The following MEIOSIN variants were observed in gnomAD, a reference collection of about 807,000 sequenced individuals.
MEIOSIN encodes the protein meiosis initiator protein.
Under a neutral mutation model 23.4 loss-of-function variants are expected in MEIOSIN, and 18 were observed. The observed-to-expected ratio is 0.77, with a 90% CI of 0.53 to 1.14. The LOEUF (loss-of-function observed/expected upper bound fraction) is 1.14, where lower values mean the gene tolerates loss of function less well. Ranked by LOEUF, MEIOSIN falls within the 50% of genes most tolerant of loss-of-function variation. The pLI is 0.00. For missense variants in MEIOSIN, 428 were observed against 242.9 expected, an observed-to-expected ratio of 1.76 and a Z score of -5.07; for synonymous variants, 187 against 100.6, an observed-to-expected ratio of 1.86 and a Z score of -5.14.
chr19:45,737,588 C>G (rs1968428126), intron 2 of MEIOSIN, among the ~76,000 whole-genome samples: 2 of 151,746 alleles, frequency 1.3e-5, no homozygotes, highest in African/African-American at 2.4e-5. Context: ...ACATCAGCCT[C>G]CCAAGTATGC....
intron 1 of MEIOSIN, 42 bp from the exon 2 acceptor site, chr19:45,735,335 C>T (rs1568552213): frequency 1.4e-6 from 1 of 700,540 alleles, no homozygotes; most frequent in Non-Finnish European, 2.6e-6. Flanking sequence ...ATCCTTCCTG[C>T]AATCCCAGAG....
Position 45,750,360 on chromosome 19 carries a change from C to CT in MEIOSIN, c.307-298dup, listed in dbSNP as rs11295860. Among the ~76,000 whole-genome samples, 105 of 98,508 alleles carry CT rather than the reference C, an allele frequency of 1.1e-3. 1 individual carries two copies. The East Asian group carries it at 0.017, about 16-fold the overall frequency. The allele number at this position is 98,508 out of a possible 152,430, so 64.6% of individuals were successfully genotyped here. A position where few individuals can be genotyped will look rare whatever the true frequency, so the allele number is the denominator to read the frequency against. Reference sequence around the variant, plus strand: ...TCTTTCTTTCTTTCTTTTTCTTTTTCTTTTTTTTTTTTTTTTTGAGACAGA... The same window carrying CT: ...TCTTTCTTTCTTTCTTTTTCTTTTTCTTTTTTTTTTTTTTTTTTGAGACAGA... On this transcript the variant is annotated intron_variant, in intron 4 of 14. Coordinates refer to ENST00000457052, the MANE Select transcript of MEIOSIN (RefSeq NM_001310124.2).
At chr19:45,740,540 G>A (rs192586706) in intron 3 of MEIOSIN, among the ~76,000 whole-genome samples, 1 of 152,206 alleles carries the variant, frequency 6.6e-6, no homozygotes, top group South Asian at 2.1e-4. Context: ...CACGAGGTCA[G>A]GAGATTGAGA....
chr19:45,757,902 A>T (rs1968863115), intron 9 of MEIOSIN, among the ~76,000 whole-genome samples: 1 of 152,088 alleles, frequency 6.6e-6, no homozygotes, highest in African/African-American at 2.4e-5. Context: ...ATCACAGCTC[A>T]CTGAGGCCTC....
intron 3 of MEIOSIN, among the ~76,000 whole-genome samples, chr19:45,743,711 A>G (rs1020451493): frequency 1.3e-5 from 2 of 152,054 alleles, no homozygotes; most frequent in Non-Finnish European, 2.9e-5. Flanking sequence ...TAGTAGGAAC[A>G]GGGTTTCGCC....
chr19:45,742,055 T>C (rs1241611038), intron 3 of MEIOSIN, among the ~76,000 whole-genome samples: 1 of 152,036 alleles, frequency 6.6e-6, no homozygotes, highest in Non-Finnish European at 1.5e-5. Context: ...TTTGTATTTT[T>C]AGTAGAGACA....
chr19:45,755,201 G>A (rs1043769895), intron 7 of MEIOSIN, among the ~76,000 whole-genome samples: 35 of 150,448 alleles, frequency 2.3e-4, no homozygotes, highest in Non-Finnish European at 3.5e-4. Context: ...CCAGGCTGGA[G>A]TGCAGTGGTA....
chr19:45,751,753 A>G (rs1298909193), intron 5 of MEIOSIN, among the ~76,000 whole-genome samples: 1 of 147,156 alleles, frequency 6.8e-6, no homozygotes, highest in African/African-American at 2.5e-5. Context: ...TTTTTGAGGC[A>G]GAGTTTAGCT....
intron 3 of MEIOSIN, among the ~76,000 whole-genome samples, chr19:45,740,005 G>A (rs990474978): frequency 5.3e-5 from 8 of 151,914 alleles, no homozygotes; most frequent in South Asian, 2.1e-4. Context: ...GTGCCACCAC[G>A]GCCAGCTAAT....
At chr19:45,755,492 C>T (rs1459265875) in intron 7 of MEIOSIN, among the ~76,000 whole-genome samples, 3 of 151,872 alleles carry the variant, frequency 2.0e-5, no homozygotes, top group Non-Finnish European at 2.9e-5. Context: ...CTTGCTCTGT[C>T]GCCCATGCTG....
chr19:45,747,484 G>A (rs2146183791), intron 4 of MEIOSIN, among the ~76,000 whole-genome samples: 1 of 152,170 alleles, frequency 6.6e-6, no homozygotes, highest in Admixed American at 6.5e-5. Flanking sequence ...CCTTGTTTCC[G>A]ACCTCCTTCA....
rs201021805 is a variant in MEIOSIN, at chr19:45,745,182, C to G, written c.177-10C>G. On this transcript the variant is annotated splice_polypyrimidine_tract_variant and intron_variant, in intron 3 of 14. Coordinates refer to ENST00000457052, the MANE Select transcript of MEIOSIN (RefSeq NM_001310124.2). ...TGTCCTAACCAAAACCAGCTCCTGT[C>G]CCCAAACAGGAATCAGAGGAACCAA... 1 of 702,248 alleles carries G rather than the reference C, an allele frequency of 1.4e-6. No homozygotes were observed. Among genetic ancestry groups the G allele is most frequent in the Admixed American group, 2.0e-5 (1 of 49,862 alleles). 43.5% of individuals were successfully genotyped at this position (702,248 alleles called of 1,614,324 possible).
intron 11 of MEIOSIN, 138 bp from the exon 12 acceptor site, chr19:45,761,541 G>A (rs1049582359): frequency 1.2e-5 from 6 of 519,302 alleles, no homozygotes; most frequent in Admixed American, 6.3e-5. Context: ...GAGTGTTGGG[G>A]TTACAGGCGT....
chr19:45,747,005 C>T (rs1968606995), intron 4 of MEIOSIN, among the ~76,000 whole-genome samples: 1 of 152,106 alleles, frequency 6.6e-6, no homozygotes, highest in South Asian at 2.1e-4. Flanking sequence ...GAGTTTTTGG[C>T]ATGCATAGGT....
intron 3 of MEIOSIN, among the ~76,000 whole-genome samples, chr19:45,744,950 C>T (rs1968565596): frequency 1.3e-5 from 2 of 152,086 alleles, no homozygotes; most frequent in East Asian, 1.9e-4. Context: ...AACACATGGA[C>T]TAGGGCAGGG....
In MEIOSIN at chr19:45,754,668, A is replaced by C. The variant is rs1265897787; in HGVS notation, c.746A>C (p.Gln249Pro). The C allele has an allele frequency of 1.4e-6, 1 of 703,086 alleles. No homozygotes were observed. The highest frequency in any genetic ancestry group is 2.7e-5 in the East Asian group (1 of 37,292). 43.6% of individuals were successfully genotyped at this position (703,086 alleles called of 1,614,324 possible). A position where few individuals can be genotyped will look rare whatever the true frequency, so the allele number is the denominator to read the frequency against. ...CCTCCAGGTGACAGAAAAGGAGGACAGTCCCAGCTGACGCTGTTGGATCTG... is the reference window on the plus strand; with the variant it reads ...CCTCCAGGTGACAGAAAAGGAGGACCGTCCCAGCTGACGCTGTTGGATCTG... ...SSPPGDRKGG[Q>P]SQLTLLDLAE... Residue 249 changes from glutamine to proline, a missense_variant, in exon 7 of 15, where the codon CAG becomes CCG. By Grantham distance (76) the Gln-to-Pro change is moderately conservative (BLOSUM62 -1). Transcript: ENST00000457052.
chr19:45,752,039 T>G (rs1202773175), intron 5 of MEIOSIN, among the ~76,000 whole-genome samples: 2 of 145,686 alleles, frequency 1.4e-5, no homozygotes, highest in South Asian at 2.3e-4. Context: ...AGCCGTTTTT[T>G]TTTTTTTTTT....
chr19:45,763,457 G>T (rs151320715), intron 14 of MEIOSIN, 30 bp downstream of exon 14: 31 of 398,442 alleles, frequency 7.8e-5, no homozygotes, highest in African/African-American at 3.9e-4. Context: ...AGGTGTGGGT[G>T]GGGGGTGGAA....
At chr19:45,750,076 G>A (rs564995143) in intron 4 of MEIOSIN, among the ~76,000 whole-genome samples, 133 of 145,382 alleles carry the variant, frequency 9.1e-4, no homozygotes, top group Non-Finnish European at 1.7e-3. Context: ...TCAAGACAAC[G>A]TGGGGCTGCT....
Sources: gnomAD v4.1 joint callset for allele counts (sites outside exome capture counted in the v4.1 genomes callset) on GRCh38, gnomAD v4.1.1 for gene constraint, MANE v1.5 for transcripts, NCBI Gene and HGNC (gene_info 2026-07-23, HGNC 2026-07-21) for gene names.